Variants in ZFP14 observed in about 807,000 individuals in gnomAD.
ZFP14 encodes the protein ZFP14 zinc finger protein.
In ZFP14, 22 loss-of-function variants were observed where a neutral mutation model predicts 54.5. That is an observed-to-expected ratio of 0.40 (90% CI 0.29 to 0.58). The LOEUF is 0.58. ZFP14 is among the 20% of genes least tolerant of loss of function. The pLI is 0.39. For synonymous variants in ZFP14, 159 were observed against 204.0 expected (o/e 0.78, Z 1.88); for missense variants, 470 against 637.8 (o/e 0.74, Z 2.83).
chr19:36,349,246 A>AC (rs2031478195), intron 4 of ZFP14, among the ~76,000 whole-genome samples: 1 of 68,778 alleles, frequency 1.5e-5, no homozygotes, highest in African/African-American at 7.2e-5. Context: ...AAAAAAACAA[A>AC]AAAAAAAAAA....
chr19:36,352,118 A>G (rs1443374473), intron 4 of ZFP14, among the ~76,000 whole-genome samples: 1 of 141,112 alleles, frequency 7.1e-6, no homozygotes, highest in Non-Finnish European at 1.6e-5. Flanking sequence ...CGGGAGGCAG[A>G]GCTTGCAGCG....
rs369497541 is a variant in ZFP14 at position 36,341,440 on chromosome 19, A to G, written c.386T>C (p.Ile129Thr). 1.5e-5 allele frequency: 25 copies of G among 1,613,844 alleles called. No individual in the cohort carries two copies. The African/African-American group carries it at 2.7e-4, about 17-fold the overall frequency. The change falls in exon 5 of 5, where the codon ATT becomes ACT. Residue 129 changes from isoleucine (I) to threonine (T), a missense_variant. Transcript: ENST00000270001. This position sits in a 1 kb window ranked among gnomAD's most constrained non-coding sequence, Gnocchi z 4.2. Reference sequence around the variant, plus strand: ...CTCTTGTTGTTCCTTTTCCCCCTCAATCTTGCTTTTGCATTCCCAATCATT... The same window carrying G: ...CTCTTGTTGTTCCTTTTCCCCCTCAGTCTTGCTTTTGCATTCCCAATCATT... ...FRNDWECKSK[I>T]EGEKEQQEGY... is the part of the protein sequence containing the mutation.
At chr19:36,371,252 G>A (rs2031873756) in intron 1 of ZFP14, among the ~76,000 whole-genome samples, 1 of 151,936 alleles carries the variant, frequency 6.6e-6, no homozygotes, top group African/African-American at 2.4e-5. Context: ...GACAGAGCGA[G>A]ACTCTGTCTC....
At chr19:36,375,189 T>C (rs1281067463) in intron 1 of ZFP14, among the ~76,000 whole-genome samples, 1 of 152,164 alleles carries the variant, frequency 6.6e-6, no homozygotes, top group African/African-American at 2.4e-5. Context: ...TTGGGTCTCC[T>C]TGACCAACTG....
intron 2 of ZFP14, 49 bp from the exon 3 acceptor site, chr19:36,362,287 T>C (rs2031723375): frequency 6.4e-7 from 1 of 1,556,130 alleles, no homozygotes; most frequent in Non-Finnish European, 8.7e-7. Context: ...TTAAATACTT[T>C]TAAAATGGAA....
intron 4 of ZFP14, among the ~76,000 whole-genome samples, chr19:36,350,439 A>C (rs2031505675): frequency 1.4e-5 from 2 of 139,826 alleles, no homozygotes; most frequent in African/African-American, 5.3e-5. Flanking sequence ...CCATCTCTAA[A>C]AAAATACAAA....
chr19:36,369,984 AC>A (rs1253831479), intron 1 of ZFP14, among the ~76,000 whole-genome samples: 1 of 152,144 alleles, frequency 6.6e-6, no homozygotes, highest in Admixed American at 6.6e-5. Flanking sequence ...ATAGTTGGGC[AC>A]CACCATGCCC....
chr19:36,348,928 A>G (rs944349984), intron 4 of ZFP14, among the ~76,000 whole-genome samples: 1 of 152,036 alleles, frequency 6.6e-6, no homozygotes, highest in Non-Finnish European at 1.5e-5. Flanking sequence ...GGAAAATTCT[A>G]TTCAACAAGA....
rs954568277 is a variant in ZFP14 at position 36,348,047 on chromosome 19, GA to G, written c.236-6458del. On this transcript the variant is annotated intron_variant, in intron 4 of 4. Transcript: ENST00000270001. ...CACTCCAGCCTGGGCAACAGAGTGA[GA>G]AAAAAAAAAGTCTTCTTTCTCTTTG... 7.7e-3 allele frequency among the ~76,000 whole-genome samples: 1,147 copies of G among 148,564 alleles called. 17 individuals are homozygous for G. The highest frequency in any genetic ancestry group is 0.027 in the African/African-American group (1,098 of 40,626).
intron 2 of ZFP14, 107 bp from the exon 3 acceptor site, chr19:36,362,345 C>A: frequency 8.1e-7 from 1 of 1,237,362 alleles, no homozygotes; most frequent in Non-Finnish European, 1.1e-6. Flanking sequence ...AGATAGCATG[C>A]AAACAGCATT....
rs1311028626 is a variant in ZFP14 at position 36,335,825 on chromosome 19, C to T, written c.*4399G>A. The T allele has an allele frequency of 6.6e-6, 1 of 152,130 alleles. No homozygotes were observed. The highest frequency in any genetic ancestry group is 1.5e-5 in the Non-Finnish European group (1 of 68,058). The allele number at this position is 152,130 out of a possible 1,614,324, so 9.4% of individuals were successfully genotyped here. ...TCTTGGTTCACCGCAACCTCTGCCT[C>T]CTGGGTTCAAGCAATTCTCCTGCCT... On this transcript the variant is annotated 3_prime_UTR_variant, in exon 5 of 5. Transcript: ENST00000270001.
intron 1 of ZFP14, among the ~76,000 whole-genome samples, chr19:36,372,667 A>G (rs1052501859): frequency 3.3e-5 from 5 of 152,204 alleles, no homozygotes; most frequent in African/African-American, 1.2e-4. Context: ...CTAAAAATAG[A>G]ACTACCATAT....
intron 4 of ZFP14, among the ~76,000 whole-genome samples, chr19:36,353,891 T>C (rs1398179612): frequency 7.3e-6 from 1 of 136,394 alleles, no homozygotes; most frequent in Non-Finnish European, 1.6e-5. Flanking sequence ...CTGGGCAACA[T>C]AGCAAAACTC....
At chr19:36,372,774 G>A (rs1004514103) in intron 1 of ZFP14, among the ~76,000 whole-genome samples, 11 of 152,166 alleles carry the variant, frequency 7.2e-5, no homozygotes, top group African/African-American at 2.7e-4. Flanking sequence ...CATTATTCAC[G>A]ATGGCCAACA....
intron 2 of ZFP14, chr19:36,362,745 A>G: frequency 4.4e-6 from 1 of 226,900 alleles, no homozygotes; most frequent in Non-Finnish European, 9.1e-6. Flanking sequence ...AAAATTTAAA[A>G]AAAAAGAAAT....
chr19:36,354,614 CTCT>C lies in ZFP14; in HGVS notation c.235+5818_235+5820del, dbSNP rs559111899. On this transcript the variant is annotated intron_variant, in intron 4 of 4. Coordinates refer to ENST00000270001, the MANE Select transcript of ZFP14 (RefSeq NM_020917.3). ...GCTTTAGATATTCATATGGCCTGGG[CTCT>C]TTTTTCATGTCACTATTCAAGTATC... is the stretch of plus-strand genomic sequence containing the variant. Among the ~76,000 whole-genome samples, 8 of 142,312 alleles carry C rather than the reference CTCT, an allele frequency of 5.6e-5. No homozygotes were observed. In the South Asian group the frequency reaches 1.8e-3, roughly 32 times the overall value. The allele number at this position is 142,312 out of a possible 152,430, so 93.4% of individuals were successfully genotyped here.
At chr19:36,363,167 A>G (rs1042549519) in intron 2 of ZFP14, among the ~76,000 whole-genome samples, 3 of 145,362 alleles carry the variant, frequency 2.1e-5, no homozygotes, top group African/African-American at 7.7e-5. Flanking sequence ...GGACACCATT[A>G]TCAATCATAT....
At chr19:36,347,937 A>T (rs1600069751) in intron 4 of ZFP14, among the ~76,000 whole-genome samples, 1 of 152,216 alleles carries the variant, frequency 6.6e-6, no homozygotes, top group African/African-American at 2.4e-5. Context: ...ACGTGCCTGT[A>T]ACCCTAGCTA....
Position 36,340,974 on chromosome 19 carries a change from A to G in ZFP14, c.852T>C (p.Tyr284=). 6.2e-7 allele frequency: 1 copy of G among 1,614,008 alleles called. No homozygotes were observed. ...HQRIHTGEKP[Y]ECKDCGKTFR... is the part of the protein sequence containing the mutation. ...AGGTCTTTCCACAGTCCTTACATTC[A>G]TAGGGTTTCTCACCAGTGTGAATTC... The change falls in exon 5 of 5, where the codon TAT becomes TAC. Residue 284 remains tyrosine, a synonymous_variant. Transcript: ENST00000270001. The surrounding 1 kb of genome is among the most constrained non-coding windows in gnomAD (Gnocchi z 5.4).
Sources: allele counts gnomAD v4.1 joint callset (sites outside exome capture counted in the v4.1 genomes callset), GRCh38; gene constraint gnomAD v4.1.1; non-coding constraint Gnocchi (gnomAD v3.1); transcripts MANE v1.5; gene names NCBI Gene and HGNC (gene_info 2026-07-23, HGNC 2026-07-21).